The following PCDHGA2 variants were observed in gnomAD, a reference collection of about 807,000 sequenced individuals.
PCDHGA2 encodes the protein protocadherin gamma subfamily A, 2, also known as protocadherin gamma-A2.
PCDHGA2 carries 40 observed loss-of-function variants against 59.2 expected under a neutral mutation model. The ratio of observed to expected loss-of-function variants is 0.68; its 90% confidence interval spans 0.52 to 0.88. The LOEUF is 0.88. Ranked by LOEUF, PCDHGA2 falls within the 40% of genes least tolerant of loss-of-function variation. PCDHGA2 has a pLI of 0.00. For synonymous variants in PCDHGA2, 560 were observed against 526.0 expected, an observed-to-expected ratio of 1.06 and a Z score of -0.89; for missense variants, 1,226 against 1,204.0, an observed-to-expected ratio of 1.02 and a Z score of -0.27.
intron 1 of PCDHGA2, among the ~76,000 whole-genome samples, chr5:141,369,573 C>T (rs12188189): frequency 0.047 from 7,089 of 152,168 alleles, 244 homozygotes; most frequent in Admixed American, 0.083. Flanking sequence ...GAAAAGAGAC[C>T]CTCTTGCTTT....
intron 1 of PCDHGA2, among the ~76,000 whole-genome samples, chr5:141,482,412 T>C (rs2099559037): frequency 6.6e-6 from 1 of 151,636 alleles, no homozygotes; most frequent in Non-Finnish European, 1.5e-5. Context: ...TAACTATTTG[T>C]TGAACTAAAA....
intron 1 of PCDHGA2, chr5:141,412,461 A>G (rs184499850): frequency 3.4e-4 from 52 of 152,338 alleles, no homozygotes; most frequent in African/African-American, 1.2e-3. Flanking sequence ...ACTATTCTAG[A>G]AGAGTACTTT....
At position 141,487,763 on chromosome 5, in the gene PCDHGA2, G is replaced by A; in HGVS notation, c.2425-7044G>A. ...AAGAGGTAACTATGTGGTAGACGCT[G>A]TGCTTTGTAACTGTTTCGTGAATTA... On this transcript the variant is annotated intron_variant, in intron 1 of 3. Coordinates refer to ENST00000394576, the MANE Select transcript of PCDHGA2 (RefSeq NM_018915.4). This position sits in a 1 kb window ranked among gnomAD's most constrained non-coding sequence, Gnocchi z 5.0. 6.5e-7 allele frequency: 1 copy of A among 1,544,968 alleles called. No homozygotes were observed. The highest frequency in any genetic ancestry group is 1.2e-5 in the South Asian group (1 of 83,382).
intron 1 of PCDHGA2, chr5:141,383,567 C>A (rs752569196): frequency 6.2e-7 from 1 of 1,613,214 alleles, no homozygotes; most frequent in Non-Finnish European, 8.5e-7. Context: ...CCGCCCCGAT[C>A]CAGCACCGCC....
At chr5:141,450,046 G>A (rs1390669307) in intron 1 of PCDHGA2, among the ~76,000 whole-genome samples, 4 of 121,108 alleles carry the variant, frequency 3.3e-5, no homozygotes, top group Admixed American at 1.1e-4. Context: ...TCACTCTTTC[G>A]CCCAGGCTGG....
rs768847018 is a variant in PCDHGA2 at position 141,431,426 on chromosome 5, A to C, written c.2425-63381A>C. On this transcript the variant is annotated intron_variant, in intron 1 of 3. Transcript: ENST00000394576. The surrounding 1 kb of genome is among the most constrained non-coding windows in gnomAD (Gnocchi z 4.8). ...CTCCGACGGGGGCGACCCGGTGCGCACAGGCACCGCGCGCATCCGCGTGAT... is the reference window on the plus strand; with the variant it reads ...CTCCGACGGGGGCGACCCGGTGCGCCCAGGCACCGCGCGCATCCGCGTGAT... 6.2e-7 allele frequency: 1 copy of C among 1,613,666 alleles called. No individual in the cohort carries two copies. The highest frequency in any genetic ancestry group is 1.1e-5 in the South Asian group (1 of 91,078).
chr5:141,352,297 C>G, intron 1 of PCDHGA2: 1 of 1,614,070 alleles, frequency 6.2e-7, no homozygotes, highest in South Asian at 1.1e-5. Context: ...AGCCCTCTGA[C>G]CCCCAGACGG....
intron 1 of PCDHGA2, chr5:141,390,418 A>C (rs2092141411): frequency 9.1e-7 from 1 of 1,099,654 alleles, no homozygotes; most frequent in African/African-American, 1.6e-5. Context: ...TAGTCAGTTA[A>C]AAAGCTGTCA....
chr5:141,365,825 G>A (rs772088278), intron 1 of PCDHGA2: 1 of 1,613,942 alleles, frequency 6.2e-7, no homozygotes, highest in South Asian at 1.1e-5. Context: ...ATTTCAGGGG[G>A]CGCCCTTGTC....
At chr5:141,412,286 G>A (rs150947924) in intron 1 of PCDHGA2, 104 of 152,170 alleles carry the variant, frequency 6.8e-4, no homozygotes, top group African/African-American at 2.3e-3. Flanking sequence ...CAAATTCTAC[G>A]TATTTCTTTT....
At chr5:141,462,905 T>G (rs542357408) in intron 1 of PCDHGA2, among the ~76,000 whole-genome samples, 265 of 152,356 alleles carry the variant, frequency 1.7e-3, no homozygotes, top group Non-Finnish European at 3.1e-3. Flanking sequence ...AAGGCTATTA[T>G]GTTTTTTGCA....
chr5:141,366,316 T>G, intron 1 of PCDHGA2: 1 of 1,613,764 alleles, frequency 6.2e-7, no homozygotes, highest in Non-Finnish European at 8.5e-7. Flanking sequence ...CGGTCACCGT[T>G]GCCGTGGCCG....
chr5:141,403,853 A>G (rs765359583), intron 1 of PCDHGA2: 3 of 1,613,726 alleles, frequency 1.9e-6, no homozygotes, highest in Non-Finnish European at 2.5e-6. Context: ...TACTGGGGAA[A>G]TATCAACAGC....
At chr5:141,449,261 G>A (rs148515123) in intron 1 of PCDHGA2, among the ~76,000 whole-genome samples, 101 of 152,156 alleles carry the variant, frequency 6.6e-4, no homozygotes, top group Non-Finnish European at 1.3e-3. Flanking sequence ...ATTGTACAAA[G>A]AACTGTATCT....
intron 1 of PCDHGA2, chr5:141,413,694 C>T: frequency 6.2e-7 from 1 of 1,613,800 alleles, no homozygotes; most frequent in Non-Finnish European, 8.5e-7. Context: ...CCCTGCAGAG[C>T]TATCAGCTCA....
At chr5:141,392,899 G>A in intron 1 of PCDHGA2, 1 of 1,613,820 alleles carries the variant, frequency 6.2e-7, no homozygotes, top group Admixed American at 1.7e-5. Flanking sequence ...ATCGGGAGGG[G>A]ACAGATTCGC....
chr5:141,510,880 G>T (rs373993657), intron 3 of PCDHGA2, 67 bp from the exon 4 acceptor site: 1 of 1,611,902 alleles, frequency 6.2e-7, no homozygotes. Context: ...AACTGCTGGG[G>T]ATATAAGACA....
intron 1 of PCDHGA2, chr5:141,427,747 C>A (rs2097063869): frequency 1.6e-6 from 2 of 1,277,502 alleles, no homozygotes; most frequent in Non-Finnish European, 2.2e-6. Flanking sequence ...GTCTCCTACT[C>A]CATCGTTACC....
intron 1 of PCDHGA2, chr5:141,419,056 T>C (rs2096318283): frequency 6.2e-7 from 1 of 1,613,836 alleles, no homozygotes; most frequent in Non-Finnish European, 8.5e-7. Context: ...CTTCTTCTAA[T>C]AATTACTACA....
Sources: gnomAD v4.1 joint callset for allele counts (sites outside exome capture counted in the v4.1 genomes callset) on GRCh38, gnomAD v4.1.1 for gene constraint, Gnocchi (gnomAD v3.1) non-coding constraint, MANE v1.5 for transcripts, NCBI Gene and HGNC (gene_info 2026-07-23, HGNC 2026-07-21) for gene names.